Variants in BTRC observed in about 807,000 individuals in gnomAD.
BTRC encodes the protein F-box/WD repeat-containing protein 1A.
BTRC carries 42 observed loss-of-function variants against 85.5 expected under a neutral mutation model. The observed-to-expected ratio is 0.49, with a 90% confidence interval of 0.38 to 0.64. BTRC has a LOEUF of 0.64. Ranked by LOEUF, BTRC falls within the 30% of genes least tolerant of loss-of-function variation. The pLI, the probability that BTRC is intolerant of heterozygous loss-of-function variation, is 0.00. For missense variants in BTRC, 594 were observed against 743.5 expected, an observed-to-expected ratio of 0.80 and a Z score of 2.34; for synonymous variants, 255 against 263.3, an observed-to-expected ratio of 0.97 and a Z score of 0.30.
intron 3 of BTRC, among the ~76,000 whole-genome samples, chr10:101,474,433 C>G (rs1945620219): frequency 6.6e-6 from 1 of 152,210 alleles, no homozygotes; most frequent in African/African-American, 2.4e-5. Context: ...AAACTCTAAA[C>G]TCTTTCTCCC....
chr10:101,406,296 C>T (rs895380571), intron 1 of BTRC, among the ~76,000 whole-genome samples: 12 of 151,386 alleles, frequency 7.9e-5, no homozygotes, highest in African/African-American at 2.9e-4. Flanking sequence ...CCTGCCTCAG[C>T]CTCCCGAGTA....
At chr10:101,493,607 A>ACCAT in intron 4 of BTRC, among the ~76,000 whole-genome samples, 1 of 152,264 alleles carries the variant, frequency 6.6e-6, no homozygotes, top group Non-Finnish European at 1.5e-5. Context: ...ATTTACTAAC[A>ACCAT]ACTAGCCAGG....
At chr10:101,549,713 CAAAAAAAAA>C (rs755481178) in intron 13 of BTRC, among the ~76,000 whole-genome samples, 29 of 42,762 alleles carry the variant, frequency 6.8e-4, no homozygotes, top group African/African-American at 1.3e-3. Flanking sequence ...GACTCTGTCT[CAAAAAAAAA>C]AAAAAAAAAA....
chr10:101,489,057 C>A (rs1179664939), intron 4 of BTRC, among the ~76,000 whole-genome samples: 1 of 152,112 alleles, frequency 6.6e-6, no homozygotes, highest in Admixed American at 6.5e-5. Context: ...CTCACTTCCC[C>A]CTAGTACCAT....
chr10:101,523,507 T>C (rs1030202748), intron 5 of BTRC, among the ~76,000 whole-genome samples: 7 of 152,130 alleles, frequency 4.6e-5, no homozygotes, highest in African/African-American at 1.7e-4. Flanking sequence ...ATGAATCTTA[T>C]ATTAAATATC....
chr10:101,469,838 G>A (rs1389738260), intron 3 of BTRC, among the ~76,000 whole-genome samples: 1 of 152,124 alleles, frequency 6.6e-6, no homozygotes, highest in African/African-American at 2.4e-5. Context: ...AGAATTTTGT[G>A]TAATGGAATG....
chr10:101,429,070 A>G lies in BTRC; in HGVS notation c.49-1275A>G, dbSNP rs534153549. 2.5e-3 allele frequency among the ~76,000 whole-genome samples: 375 copies of G among 152,330 alleles called. 3 individuals are homozygous for G. Among genetic ancestry groups the G allele is most frequent in the African/African-American group, 8.5e-3 (354 of 41,556 alleles). ...TATTGTTTTAAGGAGAAAAAAGTCT[A>G]TGACAATATAAAATATTTCAAAGTC... On this transcript the variant is annotated intron_variant, in intron 1 of 14. Coordinates refer to ENST00000370187, the MANE Select transcript of BTRC (RefSeq NM_033637.4).
At chr10:101,369,308 C>T (rs1043222023) in intron 1 of BTRC, among the ~76,000 whole-genome samples, 47 of 151,944 alleles carry the variant, frequency 3.1e-4, no homozygotes, top group African/African-American at 1.1e-3. Flanking sequence ...CAGCCTCCAA[C>T]TCCTGGGCTC....
chr10:101,483,742 C>T (rs750990897), intron 4 of BTRC, among the ~76,000 whole-genome samples: 1 of 152,078 alleles, frequency 6.6e-6, no homozygotes, highest in Non-Finnish European at 1.5e-5. Flanking sequence ...GTGTTTGGAG[C>T]ATGATGAGCT....
At chr10:101,480,816 AAT>A (rs1447365943) in intron 4 of BTRC, among the ~76,000 whole-genome samples, 2 of 152,220 alleles carry the variant, frequency 1.3e-5, no homozygotes, top group East Asian at 1.9e-4. Context: ...CTCAAATCCA[AAT>A]ATGTTAATAT....
intron 4 of BTRC, among the ~76,000 whole-genome samples, chr10:101,504,733 T>C (rs1450266554): frequency 1.3e-5 from 2 of 151,788 alleles, no homozygotes; most frequent in African/African-American, 4.8e-5. Flanking sequence ...CTTTCTTTTC[T>C]CCTCTTTCCT....
chr10:101,497,035 A>G (rs1427176496), intron 4 of BTRC, among the ~76,000 whole-genome samples: 1 of 152,140 alleles, frequency 6.6e-6, no homozygotes, highest in Non-Finnish European at 1.5e-5. Flanking sequence ...ACATTGTTTT[A>G]TCTAGTTTTT....
chr10:101,475,235 T>G (rs1314227718), intron 3 of BTRC, among the ~76,000 whole-genome samples: 1 of 152,292 alleles, frequency 6.6e-6, no homozygotes, highest in East Asian at 1.9e-4. Context: ...TTTTTTAAGG[T>G]TTAGCCTGTT....
chr10:101,511,234 G>A (rs1171855479), intron 4 of BTRC, among the ~76,000 whole-genome samples: 1 of 151,882 alleles, frequency 6.6e-6, no homozygotes, highest in Non-Finnish European at 1.5e-5. Context: ...AGCCACATTG[G>A]CCTTCTGTCT....
chr10:101,394,389 A>G (rs1943312882), intron 1 of BTRC, among the ~76,000 whole-genome samples: 1 of 152,180 alleles, frequency 6.6e-6, no homozygotes, highest in South Asian at 2.1e-4. Flanking sequence ...ATCATTGAAA[A>G]AGTATTCTTT....
At position 101,473,769 on chromosome 10, in the gene BTRC, T is replaced by G. The variant is rs941192096; in HGVS notation, c.235-5599T>G. On this transcript the variant is annotated intron_variant, in intron 3 of 14. Coordinates refer to ENST00000370187, the MANE Select transcript of BTRC (RefSeq NM_033637.4). ...AAGTCACTGGGCCTGGCCAATTTTT[T>G]CTATTTTTTGTAGAGACAGGATCTC... Among the ~76,000 whole-genome samples, 6 of 151,982 alleles carry G rather than the reference T, an allele frequency of 3.9e-5. No individual in the cohort carries two copies. In the South Asian group the frequency reaches 1.0e-3, roughly 26 times the overall value.
At chr10:101,448,495 G>A (rs1483779078) in intron 2 of BTRC, among the ~76,000 whole-genome samples, 1 of 152,090 alleles carries the variant, frequency 6.6e-6, no homozygotes, top group Non-Finnish European at 1.5e-5. Context: ...ATGAATTGGT[G>A]TGTATAACCT....
At chr10:101,534,600 G>C in intron 9 of BTRC, 61 bp from the exon 10 acceptor site, 1 of 1,601,062 alleles carries the variant, frequency 6.2e-7, no homozygotes, top group African/African-American at 1.3e-5. Flanking sequence ...GCGCATGATG[G>C]TCAAATATAG....
At chr10:101,397,871 G>A (rs982244866) in intron 1 of BTRC, among the ~76,000 whole-genome samples, 7 of 152,182 alleles carry the variant, frequency 4.6e-5, no homozygotes, top group African/African-American at 1.2e-4. Flanking sequence ...TCCTGTAAGT[G>A]TGAATAAATT....
Sources: allele counts gnomAD v4.1 joint callset (sites outside exome capture counted in the v4.1 genomes callset), GRCh38; gene constraint gnomAD v4.1.1; transcripts MANE v1.5; gene names NCBI Gene and HGNC (gene_info 2026-07-23, HGNC 2026-07-21).